The following GGH variants were observed in gnomAD, a reference collection of about 807,000 sequenced individuals.
The protein encoded by GGH is gamma-Glu-X carboxypeptidase.
GGH carries 18 observed loss-of-function variants against 39.2 expected under a neutral mutation model. The ratio of observed to expected loss-of-function variants is 0.46; its 90% confidence interval spans 0.32 to 0.68. The LOEUF is 0.68. Ranked by LOEUF, GGH falls within the 30% of genes least tolerant of loss-of-function variation. GGH has a pLI of 0.04. For synonymous variants in GGH, 147 were observed against 138.8 expected, an observed-to-expected ratio of 1.06 and a Z score of -0.42; for missense variants, 367 against 384.1, an observed-to-expected ratio of 0.96 and a Z score of 0.37.
In GGH at chr8:63,038,741, CGCACAGCAG is replaced by C. The variant is rs765870198; in HGVS notation, c.19_27del (p.Leu7_Cys9del). On this transcript the variant is annotated inframe_deletion, in exon 1 of 9. Coordinates refer to ENST00000260118, the MANE Select transcript of GGH (RefSeq NM_003878.3). ...GCCCCGCAGAGTAGCAGGCCCAGCACGCACAGCAGGCAGCCCGGACTGGCCATGGCGCTC... is the reference window on the plus strand; with the variant it reads ...GCCCCGCAGAGTAGCAGGCCCAGCACGCAGCCCGGACTGGCCATGGCGCTC... 6.3e-7 allele frequency: 1 copy of C among 1,580,362 alleles called. No homozygotes were observed. Among genetic ancestry groups the C allele is most frequent in the Non-Finnish European group, 8.6e-7 (1 of 1,165,590 alleles).
Position 63,015,391 on chromosome 8 carries a change from A to T in GGH, c.898T>A (p.Phe300Ile), listed in dbSNP as rs1319390972. 2 of 1,418,894 alleles carry T rather than the reference A, an allele frequency of 1.4e-6. No individual in the cohort carries two copies. The highest frequency in any genetic ancestry group is 2.0e-6 in the Non-Finnish European group (2 of 1,013,074). 87.9% of individuals were successfully genotyped at this position (1,418,894 alleles called of 1,614,324 possible). ...ATATTTCCAGTATAAATTGGACTGAACTGATAAATCAATGCTTTCTCCTCT... is the reference window on the plus strand; with the variant it reads ...ATATTTCCAGTATAAATTGGACTGATCTGATAAATCAATGCTTTCTCCTCT... ...SEEEKALIYQ[F>I]SPIYTGNISS... is the part of the protein sequence containing the mutation. Residue 300 changes from phenylalanine (F) to isoleucine (I), a missense_variant, in exon 9 of 9, where the codon TTC (phenylalanine) becomes ATC (isoleucine). Physicochemically the swap from Phe to Ile is conservative, Grantham distance 21 (BLOSUM62 0). Coordinates refer to ENST00000260118, the MANE Select transcript of GGH (RefSeq NM_003878.3).
intron 4 of GGH, among the ~76,000 whole-genome samples, chr8:63,026,548 T>C (rs984147632): frequency 6.6e-6 from 1 of 152,226 alleles, no homozygotes; most frequent in Non-Finnish European, 1.5e-5. Context: ...TTACTGACCT[T>C]AGCTATTAAA....
At chr8:63,031,751 C>G (rs1274145886) in intron 2 of GGH, among the ~76,000 whole-genome samples, 1 of 152,076 alleles carries the variant, frequency 6.6e-6, no homozygotes, top group African/African-American at 2.4e-5. Flanking sequence ...ACTCTGGTGC[C>G]TAGGGGCCCT....
chr8:63,015,380 A>C lies in GGH; in HGVS notation c.909T>G (p.Ile303Met). 1 of 1,395,558 alleles carries C rather than the reference A, an allele frequency of 7.2e-7. No individual in the cohort carries two copies. Among genetic ancestry groups the C allele is most frequent in the South Asian group, 1.2e-5 (1 of 81,812 alleles). The allele number at this position is 1,395,558 out of a possible 1,614,324, so 86.4% of individuals were successfully genotyped here. A position where few individuals can be genotyped will look rare whatever the true frequency, so the allele number is the denominator to read the frequency against. The part of the protein sequence containing the change: ...EKALIYQFSP[I>M]YTGNISSFQQ... ...GAAATGAAGAAATATTTCCAGTATA[A>C]ATTGGACTGAACTGATAAATCAATG... is the stretch of plus-strand genomic sequence containing the variant. The change falls in exon 9 of 9, where the codon ATT becomes ATG. Residue 303 changes from isoleucine (I) to methionine (M), a missense_variant. Coordinates refer to ENST00000260118, the MANE Select transcript of GGH (RefSeq NM_003878.3).
At chr8:63,025,233 C>T (rs997129502) in intron 5 of GGH, 7 of 152,100 alleles carry the variant, frequency 4.6e-5, no homozygotes, top group African/African-American at 1.4e-4. Flanking sequence ...AAGGTGGGTC[C>T]CTCAATTATT....
Position 63,038,712 on chromosome 8 carries a change from C to A in GGH, c.57G>T (p.Ala19=). ...CVLGLLLCGA[A]SLELSRPHGD... is the part of the protein sequence containing the mutation. Reference sequence around the variant, plus strand: ...CGTGGGGTCTAGACAGCTCGAGGCTCGCCGCCCCGCAGAGTAGCAGGCCCA... The same window carrying A: ...CGTGGGGTCTAGACAGCTCGAGGCTAGCCGCCCCGCAGAGTAGCAGGCCCA... Residue 19 remains alanine, a synonymous_variant, in exon 1 of 9, where the codon GCG becomes GCT. Transcript: ENST00000260118. 1.3e-6 allele frequency: 2 copies of A among 1,584,018 alleles called. No individual in the cohort carries two copies. The highest frequency in any genetic ancestry group is 1.7e-6 in the Non-Finnish European group (2 of 1,165,662).
intron 5 of GGH, 74 bp from the exon 6 acceptor site, chr8:63,024,260 C>A: frequency 1.2e-6 from 1 of 803,004 alleles, no homozygotes; most frequent in Non-Finnish European, 2.1e-6. Context: ...CTTACTGCAC[C>A]CAAAGAGAAG....
chr8:63,035,560 C>T (rs1804890702), intron 2 of GGH, 96 bp downstream of exon 2: 13 of 1,485,324 alleles, frequency 8.8e-6, no homozygotes, highest in Non-Finnish European at 1.2e-5. Context: ...CCGCCTTGGC[C>T]TCCCAAAGTG....
chr8:63,015,656 A>G (rs901050749), intron 8 of GGH, among the ~76,000 whole-genome samples: 18 of 144,996 alleles, frequency 1.2e-4, no homozygotes, highest in Non-Finnish European at 2.6e-4. Context: ...AAAAAAAAAG[A>G]AGAAGAAGAA....
intron 2 of GGH, 131 bp downstream of exon 2, chr8:63,035,525 C>T (rs575778963): frequency 4.5e-6 from 6 of 1,322,356 alleles, no homozygotes; most frequent in East Asian, 2.7e-5. Flanking sequence ...TGGCTGGTCT[C>T]GAACTCCTGA....
At chr8:63,036,558 C>T (rs1457681858) in intron 1 of GGH, among the ~76,000 whole-genome samples, 1 of 152,096 alleles carries the variant, frequency 6.6e-6, no homozygotes, top group Non-Finnish European at 1.5e-5. Context: ...GAGAGAAAGA[C>T]GGTGGGGAAG....
At chr8:63,020,177 T>C (rs1804561792) in intron 7 of GGH, among the ~76,000 whole-genome samples, 1 of 152,190 alleles carries the variant, frequency 6.6e-6, no homozygotes, top group Admixed American at 6.5e-5. Context: ...TCCTGAAAAC[T>C]AGGAATCATG....
intron 7 of GGH, among the ~76,000 whole-genome samples, chr8:63,020,674 G>A (rs1415106120): frequency 6.6e-6 from 1 of 152,160 alleles, no homozygotes; most frequent in East Asian, 1.9e-4. Flanking sequence ...CACATGAGAA[G>A]CAGTGCAGAG....
intron 2 of GGH, among the ~76,000 whole-genome samples, chr8:63,033,669 T>G (rs778439494): frequency 1.6e-4 from 24 of 152,256 alleles, no homozygotes; most frequent in Middle Eastern, 3.4e-3. Flanking sequence ...CATGTGCAGA[T>G]TTGCTACATG....
At position 63,038,727 on chromosome 8, in the gene GGH, T is replaced by C; in HGVS notation, c.42A>G (p.Leu14=). 6.3e-7 allele frequency: 1 copy of C among 1,583,078 alleles called. No homozygotes were observed. Residue 14 remains leucine (L), a synonymous_variant, in exon 1 of 9, where the codon CTA becomes CTG. Transcript: ENST00000260118. Reference sequence around the variant, plus strand: ...GCTCGAGGCTCGCCGCCCCGCAGAGTAGCAGGCCCAGCACGCACAGCAGGC... The same window carrying C: ...GCTCGAGGCTCGCCGCCCCGCAGAGCAGCAGGCCCAGCACGCACAGCAGGC... ...PGCLLCVLGL[L]LCGAASLELS... is the part of the protein sequence containing the mutation.
In GGH at chr8:63,023,970, T is replaced by G. The variant is rs144420320; in HGVS notation, c.634A>C (p.Lys212Gln). Reference sequence around the variant, plus strand: ...TTTGTAGTTAAGACATTGAAAAACTTCTTTAACTTTTCATTCATTGTAAAA... The same window carrying G: ...TTTGTAGTTAAGACATTGAAAAACTGCTTTAACTTTTCATTCATTGTAAAA... ...KNFTMNEKLK[K>Q]FFNVLTTNTD... Residue 212 changes from lysine to glutamine, a missense_variant, in exon 7 of 9, where the codon AAG (lysine) becomes CAG (glutamine). Physicochemically the swap from Lys to Gln is moderately conservative, Grantham distance 53 (BLOSUM62 1). Transcript: ENST00000260118. 6.9e-6 allele frequency: 11 copies of G among 1,591,020 alleles called. No individual in the cohort carries two copies. In the African/African-American group the frequency reaches 1.2e-4, roughly 18 times the overall value.
chr8:63,038,591 C>T (rs754939974), intron 1 of GGH, 69 bp downstream of exon 1: 40 of 695,078 alleles, frequency 5.8e-5, no homozygotes, highest in Non-Finnish European at 1.0e-5. Flanking sequence ...TGGAGCGCGG[C>T]GGCGGGAGGC....
intron 3 of GGH, chr8:63,028,569 C>T (rs984871143): frequency 6.6e-6 from 1 of 152,224 alleles, no homozygotes; most frequent in Admixed American, 6.5e-5. Context: ...TTTGAAGTCA[C>T]ATTAGAATAC....
chr8:63,038,600 G>GGGGCCCCCC, intron 1 of GGH, 60 bp downstream of exon 1: 3 of 883,502 alleles, frequency 3.4e-6, no homozygotes, highest in Non-Finnish European at 3.2e-6. Context: ...GCGGCGGGAG[G>GGGGCCCCCC]CGCCCAGCGC....
Sources: allele counts gnomAD v4.1 joint callset (sites outside exome capture counted in the v4.1 genomes callset), GRCh38; gene constraint gnomAD v4.1.1; transcripts MANE v1.5; gene names NCBI Gene and HGNC (gene_info 2026-07-23, HGNC 2026-07-21).